Variants in ZNF804A observed in about 807,000 individuals in gnomAD.
ZNF804A encodes the protein zinc finger protein 804A.
In ZNF804A, 2 loss-of-function variants were observed where a neutral mutation model predicts 16.5. The ratio of observed to expected loss-of-function variants is 0.12; its 90% CI spans 0.05 to 0.38. ZNF804A has a LOEUF of 0.38. ZNF804A is among the 10% of genes least tolerant of loss of function. ZNF804A has a pLI of 0.99. For missense variants in ZNF804A, 1,473 were observed against 1,390.7 expected (o/e 1.06, Z -0.94); for synonymous variants, 534 against 489.6 (o/e 1.09, Z -1.20).
At chr2:184,725,820 A>G (rs1263111212) in intron 1 of ZNF804A, among the ~76,000 whole-genome samples, 1 of 151,458 alleles carries the variant, frequency 6.6e-6, no homozygotes. Context: ...CATCACTGCT[A>G]ATCCCTGGTA....
Position 184,738,770 on chromosome 2 carries a change from T to C in ZNF804A, c.112-127599T>C, listed in dbSNP as rs1693671384. Among the ~76,000 whole-genome samples the C allele has an allele frequency of 3.9e-5, 6 of 152,300 alleles. No homozygotes were observed. The South Asian group carries it at 1.2e-3, about 32-fold the overall frequency. Reference sequence around the variant, plus strand: ...TATGCAAAAGTTGGTAAACACAATGTGTACAACTGTGTGCTCAAAATAAAT... The same window carrying C: ...TATGCAAAAGTTGGTAAACACAATGCGTACAACTGTGTGCTCAAAATAAAT... On this transcript the variant is annotated intron_variant, in intron 1 of 3. Coordinates refer to ENST00000302277, the MANE Select transcript of ZNF804A (RefSeq NM_194250.2).
intron 1 of ZNF804A, among the ~76,000 whole-genome samples, chr2:184,764,047 C>A (rs760675895): frequency 5.3e-5 from 8 of 152,034 alleles, no homozygotes; most frequent in Non-Finnish European, 1.0e-4. Flanking sequence ...AGTCTCTATT[C>A]CTAAAACACA....
intron 1 of ZNF804A, among the ~76,000 whole-genome samples, chr2:184,788,298 C>A (rs1250956558): frequency 1.3e-5 from 2 of 151,726 alleles, no homozygotes; most frequent in African/African-American, 4.8e-5. Context: ...GTTCTTTTTG[C>A]TTTGGAATGC....
intron 1 of ZNF804A, among the ~76,000 whole-genome samples, chr2:184,773,004 G>C (rs534950016): frequency 1.4e-5 from 2 of 144,178 alleles, no homozygotes; most frequent in South Asian, 4.4e-4. Context: ...GTGTGTGTGT[G>C]TATATATATA....
At chr2:184,852,955 A>AT (rs896129448) in intron 1 of ZNF804A, among the ~76,000 whole-genome samples, 10 of 151,398 alleles carry the variant, frequency 6.6e-5, no homozygotes, top group African/African-American at 1.2e-4. Context: ...TAAATTTAGG[A>AT]TTTTTTTTCT....
At chr2:184,801,558 T>G (rs1200641901) in intron 1 of ZNF804A, among the ~76,000 whole-genome samples, 1 of 152,204 alleles carries the variant, frequency 6.6e-6, no homozygotes, top group Non-Finnish European at 1.5e-5. Context: ...GATTCTTTCT[T>G]GGGATATTTC....
chr2:184,634,499 A>C (rs1423175458), intron 1 of ZNF804A, among the ~76,000 whole-genome samples: 1 of 151,786 alleles, frequency 6.6e-6, no homozygotes, highest in East Asian at 1.9e-4. Flanking sequence ...AGAGGGAGGC[A>C]GTAGAGTCAT....
chr2:184,686,030 G>A (rs543588505), intron 1 of ZNF804A, among the ~76,000 whole-genome samples: 4 of 152,226 alleles, frequency 2.6e-5, no homozygotes, highest in African/African-American at 4.8e-5. Flanking sequence ...CCAAGTGCAC[G>A]TACACCTGGC....
chr2:184,708,217 T>C (rs562516776), intron 1 of ZNF804A, among the ~76,000 whole-genome samples: 4 of 152,262 alleles, frequency 2.6e-5, no homozygotes, highest in Non-Finnish European at 4.4e-5. Context: ...ATTCTGTAGG[T>C]TGTCTGTTTA....
At chr2:184,602,880 A>G (rs1691071699) in intron 1 of ZNF804A, among the ~76,000 whole-genome samples, 1 of 152,126 alleles carries the variant, frequency 6.6e-6, no homozygotes, top group Non-Finnish European at 1.5e-5. Context: ...TGGAATATCT[A>G]GGGATCATTA....
intron 1 of ZNF804A, among the ~76,000 whole-genome samples, chr2:184,681,983 A>C (rs956520635): frequency 6.6e-6 from 1 of 152,190 alleles, no homozygotes; most frequent in Non-Finnish European, 1.5e-5. Flanking sequence ...ACCCAGACAC[A>C]TGTGTGCATG....
intron 1 of ZNF804A, among the ~76,000 whole-genome samples, chr2:184,711,016 T>C (rs1442150306): frequency 3.3e-5 from 5 of 151,838 alleles, no homozygotes; most frequent in Admixed American, 6.6e-5. Flanking sequence ...TTTGGATATA[T>C]ATCCAGAAGG....
chr2:184,796,676 T>C (rs1694633479), intron 1 of ZNF804A, among the ~76,000 whole-genome samples: 2 of 152,112 alleles, frequency 1.3e-5, no homozygotes, highest in East Asian at 3.9e-4. Context: ...GGTTTGGTTT[T>C]GGTTTCTTCT....
intron 1 of ZNF804A, among the ~76,000 whole-genome samples, chr2:184,776,451 A>G (rs1287081499): frequency 6.6e-6 from 1 of 151,338 alleles, no homozygotes; most frequent in Admixed American, 6.6e-5. Flanking sequence ...TTGGAGGTTC[A>G]GGTTTTGTTG....
intron 1 of ZNF804A, among the ~76,000 whole-genome samples, chr2:184,720,714 A>T (rs1394949503): frequency 6.6e-6 from 1 of 152,206 alleles, no homozygotes; most frequent in Admixed American, 6.5e-5. Context: ...TGCAATCTCT[A>T]TCAAAGTACC....
At chr2:184,867,937 ATATC>A (rs1163474115) in intron 2 of ZNF804A, among the ~76,000 whole-genome samples, 1 of 152,102 alleles carries the variant, frequency 6.6e-6, no homozygotes, top group Non-Finnish European at 1.5e-5. Flanking sequence ...TGTTATAAGA[ATATC>A]TATTATCATT....
intron 1 of ZNF804A, among the ~76,000 whole-genome samples, chr2:184,675,317 A>G (rs753493189): frequency 2.2e-4 from 33 of 151,774 alleles, no homozygotes; most frequent in Non-Finnish European, 2.2e-4. Flanking sequence ...TTTTACAACT[A>G]CTGCTGTTAT....
intron 1 of ZNF804A, among the ~76,000 whole-genome samples, chr2:184,828,522 TA>T (rs913091796): frequency 4.0e-5 from 6 of 150,626 alleles, no homozygotes; most frequent in Admixed American, 1.3e-4. Context: ...TTTCCTTCAT[TA>T]AAAAAAAAGA....
At chr2:184,606,781 C>A (rs1691153306) in intron 1 of ZNF804A, among the ~76,000 whole-genome samples, 1 of 151,926 alleles carries the variant, frequency 6.6e-6, no homozygotes, top group African/African-American at 2.4e-5. Flanking sequence ...TAAGATTTAC[C>A]AGCTCCTGCA....
Sources: allele counts gnomAD v4.1 joint callset (sites outside exome capture counted in the v4.1 genomes callset), GRCh38; gene constraint gnomAD v4.1.1; transcripts MANE v1.5; gene names NCBI Gene and HGNC (gene_info 2026-07-23, HGNC 2026-07-21).